Variants in DPP10 observed in about 807,000 individuals in gnomAD.
DPP10 encodes the protein inactive dipeptidyl peptidase 10.
Under a neutral mutation model 120.9 loss-of-function variants are expected in DPP10, and 33 were observed. That is an observed-to-expected ratio of 0.27 (90% CI 0.21 to 0.37). The LOEUF is 0.37. Ranked by LOEUF, DPP10 falls within the 10% of genes least tolerant of loss-of-function variation. The pLI is 1.00. For missense variants in DPP10, 816 were observed against 942.8 expected, an observed-to-expected ratio of 0.87 and a Z score of 1.76; for synonymous variants, 337 against 326.1, an observed-to-expected ratio of 1.03 and a Z score of -0.36.
intron 5 of DPP10, among the ~76,000 whole-genome samples, chr2:115,608,244 G>A (rs1022853204): frequency 6.6e-6 from 1 of 151,948 alleles, no homozygotes; most frequent in Non-Finnish European, 1.5e-5. Flanking sequence ...AAAAATATTA[G>A]ACAGGCATGG....
chr2:114,515,405 T>C (rs573028321), intron 1 of DPP10, among the ~76,000 whole-genome samples: 23 of 152,310 alleles, frequency 1.5e-4, no homozygotes, highest in Admixed American at 1.2e-3. Flanking sequence ...AAGAGGACCA[T>C]AGCACTTTAG....
intron 5 of DPP10, among the ~76,000 whole-genome samples, chr2:115,676,766 A>G (rs905905015): frequency 1.3e-5 from 2 of 152,196 alleles, no homozygotes; most frequent in Admixed American, 1.3e-4. Flanking sequence ...AAAAACATAG[A>G]AAACCTGTTT....
chr2:115,509,208 A>C (rs1201241027), intron 4 of DPP10, among the ~76,000 whole-genome samples: 5 of 152,158 alleles, frequency 3.3e-5, no homozygotes, highest in Non-Finnish European at 7.3e-5. Context: ...AAATAAAGAC[A>C]CTAGTGGATG....
chr2:115,787,313 T>A (rs566197260), intron 17 of DPP10, among the ~76,000 whole-genome samples: 1 of 152,060 alleles, frequency 6.6e-6, no homozygotes, highest in Non-Finnish European at 1.5e-5. Flanking sequence ...ATGACAGAGA[T>A]GATGGAAATC....
chr2:114,595,595 T>C (rs1483993516), intron 1 of DPP10, among the ~76,000 whole-genome samples: 1 of 152,154 alleles, frequency 6.6e-6, no homozygotes, highest in Admixed American at 6.6e-5. Context: ...AATATTTTTG[T>C]CATCACACAT....
At chr2:115,479,855 C>G (rs2166905) in intron 3 of DPP10, among the ~76,000 whole-genome samples, 125,848 of 152,002 alleles carry the variant, frequency 0.83, 55,164 homozygotes, top group Non-Finnish European at 0.97. Context: ...ACCATGGTTT[C>G]TCACATTTGT....
At chr2:114,960,184 A>G (rs1698505580) in intron 1 of DPP10, among the ~76,000 whole-genome samples, 1 of 152,150 alleles carries the variant, frequency 6.6e-6, no homozygotes, top group African/African-American at 2.4e-5. Context: ...CTGATATTTT[A>G]GTGCCTTTCC....
intron 1 of DPP10, among the ~76,000 whole-genome samples, chr2:114,929,987 G>A (rs115140137): frequency 0.014 from 2,182 of 152,208 alleles, 50 homozygotes; most frequent in African/African-American, 0.051. Context: ...TCCGTTCAGG[G>A]TCCCTGACTT....
At chr2:115,652,348 T>C (rs1283458441) in intron 5 of DPP10, among the ~76,000 whole-genome samples, 1 of 151,842 alleles carries the variant, frequency 6.6e-6, no homozygotes, top group Non-Finnish European at 1.5e-5. Context: ...GAAACAGATA[T>C]TGCTTATTTC....
At chr2:115,778,382 G>C (rs536551533) in intron 15 of DPP10, among the ~76,000 whole-genome samples, 1 of 152,008 alleles carries the variant, frequency 6.6e-6, no homozygotes, top group South Asian at 2.1e-4. Context: ...AGCAATATAG[G>C]GGAAAATAAT....
chr2:115,551,237 T>C (rs2079854040), intron 5 of DPP10, among the ~76,000 whole-genome samples: 1 of 152,136 alleles, frequency 6.6e-6, no homozygotes, highest in South Asian at 2.1e-4. Context: ...CACAATGGGA[T>C]CCTCTCAAAC....
chr2:115,691,235 CAT>C (rs1238060970), intron 7 of DPP10, among the ~76,000 whole-genome samples: 2 of 151,974 alleles, frequency 1.3e-5, no homozygotes, highest in African/African-American at 4.8e-5. Flanking sequence ...TTTCTACAAA[CAT>C]ATTTTTTTAT....
intron 1 of DPP10, among the ~76,000 whole-genome samples, chr2:115,295,812 C>T (rs34168937): frequency 0.036 from 5,496 of 151,934 alleles, 216 homozygotes; most frequent in East Asian, 0.2. Flanking sequence ...AAAATTTTCT[C>T]CTGCACTCAA....
intron 1 of DPP10, chr2:114,835,596 T>C (rs1478520757): frequency 2.0e-5 from 3 of 152,208 alleles, no homozygotes; most frequent in Non-Finnish European, 4.4e-5. Context: ...GATCACTTTT[T>C]CCATAAATCC....
At chr2:114,804,026 C>T (rs1034316792) in intron 1 of DPP10, among the ~76,000 whole-genome samples, 14 of 152,312 alleles carry the variant, frequency 9.2e-5, no homozygotes, top group South Asian at 2.1e-4. Flanking sequence ...AGGGTCCCCG[C>T]GCTCTGTGCA....
intron 1 of DPP10, among the ~76,000 whole-genome samples, chr2:115,105,489 G>T: frequency 6.6e-6 from 1 of 151,890 alleles, no homozygotes; most frequent in Admixed American, 6.6e-5. Context: ...TGAGCAATCA[G>T]ATTTGATGGT....
In DPP10 at chr2:115,455,392, C is replaced by G. The variant is rs546616472; in HGVS notation, c.272-44118C>G. Among the ~76,000 whole-genome samples, 4 of 152,112 alleles carry G rather than the reference C, an allele frequency of 2.6e-5. No homozygotes were observed. The South Asian group carries it at 8.3e-4, about 32-fold the overall frequency. ...AAAATAAGAAAATGGCCATACTGCC[C>G]AAATTGATTTATAGATTCAATCCTA... On this transcript the variant is annotated intron_variant, in intron 3 of 25. Coordinates refer to ENST00000410059, the MANE Select transcript of DPP10 (RefSeq NM_020868.6).
rs985336102 is a variant in DPP10 at position 115,842,677 on chromosome 2, C to G, written c.*332C>G. ...ACTAGTTGCTCTCATTTTAATTTCA[C>G]TGGCCACCATCATCTTTGCATATAA... On this transcript the variant is annotated 3_prime_UTR_variant, in exon 26 of 26. Transcript: ENST00000410059. 45 of 190,894 alleles carry G rather than the reference C, an allele frequency of 2.4e-4. No individual in the cohort carries two copies. The highest frequency in any genetic ancestry group is 1.0e-3 in the African/African-American group (44 of 43,248). 11.8% of individuals were successfully genotyped at this position (190,894 alleles called of 1,614,324 possible). A position where few individuals can be genotyped will look rare whatever the true frequency, so the allele number is the denominator to read the frequency against.
chr2:115,053,355 T>C (rs1323665617), intron 1 of DPP10, among the ~76,000 whole-genome samples: 2 of 152,168 alleles, frequency 1.3e-5, no homozygotes, highest in East Asian at 3.9e-4. Flanking sequence ...AAATGAAAGA[T>C]GCCAGACACA....
Sources: allele counts gnomAD v4.1 joint callset (sites outside exome capture counted in the v4.1 genomes callset), GRCh38; gene constraint gnomAD v4.1.1; transcripts MANE v1.5; gene names NCBI Gene and HGNC (gene_info 2026-07-23, HGNC 2026-07-21).